Variants in DOCK2 observed in about 807,000 individuals in gnomAD.
DOCK2 encodes the protein dedicator of cytokinesis protein 2.
In DOCK2, 87 loss-of-function variants were observed where a neutral mutation model predicts 248.9. The observed-to-expected ratio is 0.35, with a 90% CI of 0.29 to 0.42. The LOEUF is 0.42. Among genes scored for constraint, DOCK2 ranks in the 10% least tolerant of loss-of-function variants. The pLI is 1.00. For synonymous variants in DOCK2, 805 were observed against 821.6 expected, an observed-to-expected ratio of 0.98 and a Z score of 0.35; for missense variants, 1,747 against 2,300.2, an observed-to-expected ratio of 0.76 and a Z score of 4.92.
chr5:169,827,943 CAGAG>C (rs1768976082), intron 26 of DOCK2, among the ~76,000 whole-genome samples: 1 of 152,080 alleles, frequency 6.6e-6, no homozygotes, highest in African/African-American at 2.4e-5. Flanking sequence ...TGGGTGTTGA[CAGAG>C]AGAGTGAGTG....
At chr5:169,930,848 C>A (rs1379927598) in intron 27 of DOCK2, among the ~76,000 whole-genome samples, 1 of 152,060 alleles carries the variant, frequency 6.6e-6, no homozygotes, top group Admixed American at 6.6e-5. Context: ...GGGGGTTGCA[C>A]TTCATTTTCT....
intron 22 of DOCK2, among the ~76,000 whole-genome samples, chr5:169,741,527 T>G (rs1001606545): frequency 6.6e-6 from 1 of 152,236 alleles, no homozygotes; most frequent in African/African-American, 2.4e-5. Context: ...ATCACTCTTT[T>G]GAAACCAGGA....
At chr5:169,841,638 G>C in intron 27 of DOCK2, 1 of 188,732 alleles carries the variant, frequency 5.3e-6, no homozygotes. Context: ...TATAAAACAT[G>C]ATAGATGTGC....
intron 9 of DOCK2, among the ~76,000 whole-genome samples, chr5:169,692,328 A>T (rs1381096475): frequency 6.6e-6 from 1 of 152,218 alleles, no homozygotes; most frequent in African/African-American, 2.4e-5. Flanking sequence ...GATGCTTGTT[A>T]AGTTCCATTG....
chr5:170,013,265 C>A (rs754403292), intron 32 of DOCK2, among the ~76,000 whole-genome samples: 52 of 152,036 alleles, frequency 3.4e-4, no homozygotes, highest in Non-Finnish European at 5.7e-4. Context: ...TCCGTCCATT[C>A]ATTTACTCAT....
intron 33 of DOCK2, among the ~76,000 whole-genome samples, chr5:170,021,166 G>A (rs1755712573): frequency 6.6e-6 from 1 of 152,194 alleles, no homozygotes; most frequent in African/African-American, 2.4e-5. Context: ...GGCTGAGTAG[G>A]TCAAATGGAG....
At chr5:170,017,550 ATAATAT>A (rs1755577238) in intron 32 of DOCK2, among the ~76,000 whole-genome samples, 1 of 152,234 alleles carries the variant, frequency 6.6e-6, no homozygotes. Context: ...CATCACAAAG[ATAATAT>A]TAATAGCTAA....
chr5:169,943,811 C>A lies in DOCK2; in HGVS notation c.2800-39257C>A, dbSNP rs79629794. Among the ~76,000 whole-genome samples, 119 of 152,258 alleles carry A rather than the reference C, an allele frequency of 7.8e-4. 2 individuals are homozygous for A. In the East Asian group the frequency reaches 0.018, roughly 23 times the overall value. On this transcript the variant is annotated intron_variant, in intron 27 of 51. Coordinates refer to ENST00000520908, the MANE Select transcript of DOCK2 (RefSeq NM_004946.3). ...CCAGGGACCTGTGTTTTAGCCAGCCCCCAAGGTGACTCTGACGCTCATTAA... is the reference window on the plus strand; with the variant it reads ...CCAGGGACCTGTGTTTTAGCCAGCCACCAAGGTGACTCTGACGCTCATTAA...
chr5:169,857,635 G>A (rs1770969222), intron 27 of DOCK2, among the ~76,000 whole-genome samples: 1 of 151,930 alleles, frequency 6.6e-6, no homozygotes, highest in Non-Finnish European at 1.5e-5. Flanking sequence ...GCTGAGACTA[G>A]GGCATGATGG....
At chr5:169,895,841 G>A (rs975318155) in intron 27 of DOCK2, among the ~76,000 whole-genome samples, 4 of 152,136 alleles carry the variant, frequency 2.6e-5, no homozygotes, top group Admixed American at 2.0e-4. Flanking sequence ...CTCACATAAC[G>A]CAGTGCCTGG....
At chr5:170,005,622 G>A (rs1296245409) in intron 30 of DOCK2, among the ~76,000 whole-genome samples, 2 of 152,070 alleles carry the variant, frequency 1.3e-5, no homozygotes, top group Admixed American at 6.6e-5. Context: ...GTTTCTTTTG[G>A]CGTGATGAAA....
chr5:170,061,571 A>G (rs1031545186), intron 44 of DOCK2, among the ~76,000 whole-genome samples: 1 of 152,178 alleles, frequency 6.6e-6, no homozygotes, highest in African/African-American at 2.4e-5. Context: ...CCTTTCACCA[A>G]CTATACAACC....
chr5:169,674,534 G>T, intron 6 of DOCK2, 89 bp downstream of exon 6: 1 of 1,551,276 alleles, frequency 6.4e-7, no homozygotes, highest in Non-Finnish European at 8.7e-7. Context: ...TTCATTTTTA[G>T]ATGCAATTTT....
chr5:169,651,511 T>G (rs746292038), intron 1 of DOCK2, among the ~76,000 whole-genome samples: 2 of 152,102 alleles, frequency 1.3e-5, no homozygotes, highest in Non-Finnish European at 2.9e-5. Flanking sequence ...CCTCCACATA[T>G]CTGATGGACA....
chr5:169,857,459 G>T lies in DOCK2; in HGVS notation c.2799+16607G>T, dbSNP rs185228789. Reference sequence around the variant, plus strand: ...CATGTAGACCTCAGGGATTACAGGTGCACGACACCGTACCCGGCCCCTCTC... The same window carrying T: ...CATGTAGACCTCAGGGATTACAGGTTCACGACACCGTACCCGGCCCCTCTC... On this transcript the variant is annotated intron_variant, in intron 27 of 51. Transcript: ENST00000520908. Among the ~76,000 whole-genome samples, 3 of 152,274 alleles carry T rather than the reference G, an allele frequency of 2.0e-5. No individual in the cohort carries two copies. The East Asian group carries it at 5.8e-4, about 29-fold the overall frequency.
chr5:169,942,987 A>G (rs533623649), intron 27 of DOCK2, among the ~76,000 whole-genome samples: 2 of 152,340 alleles, frequency 1.3e-5, no homozygotes, highest in Non-Finnish European at 2.9e-5. Flanking sequence ...TATGCGTGGG[A>G]CAAACATGGT....
At chr5:169,711,827 G>A in intron 15 of DOCK2, 108 bp from the exon 16 acceptor site, 1 of 1,140,762 alleles carries the variant, frequency 8.8e-7, no homozygotes, top group East Asian at 2.4e-5. Flanking sequence ...AAATCAGCAG[G>A]CAGCTCTCTC....
chr5:169,896,544 A>G (rs1194705160), intron 27 of DOCK2, among the ~76,000 whole-genome samples: 1 of 152,240 alleles, frequency 6.6e-6, no homozygotes, highest in African/African-American at 2.4e-5. Context: ...TGGCTGTAAG[A>G]TTTAAACGAG....
chr5:169,919,723 TTC>T (rs1392514942), intron 27 of DOCK2, among the ~76,000 whole-genome samples: 1 of 152,200 alleles, frequency 6.6e-6, no homozygotes, highest in Non-Finnish European at 1.5e-5. Context: ...CCCCTGGCGA[TTC>T]TCTGAGTCCC....
Sources: allele counts gnomAD v4.1 joint callset (sites outside exome capture counted in the v4.1 genomes callset), GRCh38; gene constraint gnomAD v4.1.1; transcripts MANE v1.5; gene names NCBI Gene and HGNC (gene_info 2026-07-23, HGNC 2026-07-21).